The following HSPA4 variants were observed in gnomAD, a reference collection of about 807,000 sequenced individuals.
HSPA4 encodes the protein heat shock protein family A (Hsp70) member 4.
HSPA4 carries 25 observed loss-of-function variants against 106.2 expected under a neutral mutation model. That is an observed-to-expected ratio of 0.24 (90% CI 0.17 to 0.33). The LOEUF (loss-of-function observed/expected upper bound fraction) is 0.33. Among genes scored for constraint, HSPA4 ranks in the 10% least tolerant of loss-of-function variants. The pLI is 1.00. For synonymous variants in HSPA4, 332 were observed against 333.6 expected (o/e 1.00, Z 0.05); for missense variants, 841 against 996.0 (o/e 0.84, Z 2.10).
At chr5:133,067,763 G>T (rs1246433142) in intron 3 of HSPA4, among the ~76,000 whole-genome samples, 2 of 152,110 alleles carry the variant, frequency 1.3e-5, no homozygotes, top group Non-Finnish European at 1.5e-5. Flanking sequence ...CTTAATATGG[G>T]TTGGAGACCT....
chr5:133,097,217 A>G lies in HSPA4; in HGVS notation c.1860A>G (p.Ala620=). The part of the protein sequence containing the change: ...LEKERNDAKN[A]VEEYVYEMRD... The stretch of plus-strand genomic sequence containing the variant: ...AGGAGCGGAATGATGCTAAGAACGC[A>G]GTGGAGGAATATGTGTATGAAATGA... The change falls in exon 15 of 19, where the codon GCA becomes GCG. Residue 620 remains alanine, a synonymous_variant. Coordinates refer to ENST00000304858, the MANE Select transcript of HSPA4 (RefSeq NM_002154.4). The G allele has an allele frequency of 1.2e-6, 2 of 1,612,076 alleles. No homozygotes were observed. Among genetic ancestry groups the G allele is most frequent in the Non-Finnish European group, 1.7e-6 (2 of 1,178,254 alleles).
chr5:133,104,115 A>G lies in HSPA4; in HGVS notation c.2319+89A>G, dbSNP rs79781133. 0.02 allele frequency: 27,580 copies of G among 1,410,158 alleles called. 328 individuals are homozygous for G. Among genetic ancestry groups the G allele is most frequent in the Non-Finnish European group, 0.023 (23,751 of 1,015,458 alleles). 87.4% of individuals were successfully genotyped at this position (1,410,158 alleles called of 1,614,324 possible). A position where few individuals can be genotyped will look rare whatever the true frequency, so the allele number is the denominator to read the frequency against. On this transcript the variant is annotated intron_variant, in intron 18 of 18. Coordinates refer to ENST00000304858, the MANE Select transcript of HSPA4 (RefSeq NM_002154.4). The stretch of plus-strand genomic sequence containing the variant: ...GACACTTAGGAGGGAACTTTATTAT[A>G]GTGTTTTAGCTTCTAGGTTGAGGAT...
chr5:133,088,464 C>T lies in HSPA4; in HGVS notation c.1046C>T (p.Ala349Val), dbSNP rs374874909. The T allele has an allele frequency of 1.6e-5, 26 of 1,611,766 alleles. No homozygotes were observed. Among genetic ancestry groups the T allele is most frequent in the Admixed American group, 1.0e-4 (6 of 59,992 alleles). Residue 349 changes from alanine to valine, a missense_variant, in exon 9 of 19, where the codon GCG (alanine) becomes GTG (valine). This residue lies in a region of HSPA4 where 1 missense variants were observed against 18.2 expected (regional missense o/e 0.06). Coordinates refer to ENST00000304858, the MANE Select transcript of HSPA4 (RefSeq NM_002154.4). ...EIVGGATRIP[A>V]VKEKISKFFG... is the part of the protein sequence containing the mutation. ...GTTGGTGGTGCTACACGAATCCCTG[C>T]GGTAAAAGAGAAGATCAGCAAATTT...
At chr5:133,072,178 G>A (rs749259646) in intron 4 of HSPA4, among the ~76,000 whole-genome samples, 9 of 152,146 alleles carry the variant, frequency 5.9e-5, no homozygotes, top group Non-Finnish European at 1.2e-4. Flanking sequence ...GGGTTCACGG[G>A]CCCTAGCGTA....
intron 1 of HSPA4, among the ~76,000 whole-genome samples, chr5:133,056,283 G>C (rs1765163984): frequency 6.6e-6 from 1 of 152,134 alleles, no homozygotes; most frequent in Non-Finnish European, 1.5e-5. Context: ...TTGAGAGAAT[G>C]CTGTGAGATG....
At chr5:133,065,172 C>A in intron 2 of HSPA4, 135 bp downstream of exon 2, 1 of 674,836 alleles carries the variant, frequency 1.5e-6, no homozygotes, top group South Asian at 1.9e-5. Context: ...GACCTCTTCT[C>A]TGTTCCCATG....
At chr5:133,072,134 A>G (rs1367228983) in intron 4 of HSPA4, among the ~76,000 whole-genome samples, 2 of 152,198 alleles carry the variant, frequency 1.3e-5, no homozygotes, top group African/African-American at 2.4e-5. Flanking sequence ...TGGGGCCTCA[A>G]GATCACACTG....
At chr5:133,054,289 G>A (rs1374895734) in intron 1 of HSPA4, among the ~76,000 whole-genome samples, 1 of 151,938 alleles carries the variant, frequency 6.6e-6, no homozygotes, top group Admixed American at 6.6e-5. Context: ...TGCAGCCTCC[G>A]CCTCCTGGGT....
intron 12 of HSPA4, 21 bp downstream of exon 12, chr5:133,091,395 C>G (rs752364778): frequency 6.3e-7 from 1 of 1,579,432 alleles, no homozygotes; most frequent in Non-Finnish European, 8.7e-7. Context: ...CATTGTATAC[C>G]ACTTGTGATG....
chr5:133,092,625 A>G (rs1050386541), intron 12 of HSPA4, 75 bp from the exon 13 acceptor site: 13 of 961,518 alleles, frequency 1.4e-5, no homozygotes, highest in East Asian at 5.0e-5. Flanking sequence ...TTACATAACT[A>G]TGTGACTTTG....
intron 7 of HSPA4, among the ~76,000 whole-genome samples, chr5:133,077,689 T>C (rs894604678): frequency 1.3e-5 from 2 of 152,190 alleles, no homozygotes; most frequent in African/African-American, 4.8e-5. Flanking sequence ...GCTTGGATGA[T>C]GGGAGTAAGA....
At chr5:133,091,430 T>C (rs1456969798) in intron 12 of HSPA4, 56 bp downstream of exon 12, 3 of 1,390,124 alleles carry the variant, frequency 2.2e-6, no homozygotes, top group African/African-American at 1.4e-5. Context: ...TGTCTAGAAA[T>C]TGTAGCAAGC....
Position 133,088,536 on chromosome 5 carries a change from C to G in HSPA4, c.1118C>G (p.Thr373Ser). ...STTLNADEAV[T>S]RGCALQCAIL... ...ACATTAAATGCTGATGAAGCTGTCA[C>G]TCGAGGCTGTGCATTGCAGGTGAAT... is the stretch of plus-strand genomic sequence containing the variant. The change falls in exon 9 of 19, where the codon ACT becomes AGT. Residue 373 changes from threonine to serine, a missense_variant. Thr to Ser is a moderately conservative substitution (Grantham distance 58, BLOSUM62 1). Around this residue, in one of 5 missense-constraint regions of HSPA4, gnomAD observed 162 missense variants for 177.7 expected, o/e 0.91. Transcript: ENST00000304858. 1 of 1,613,878 alleles carries G rather than the reference C, an allele frequency of 6.2e-7. No homozygotes were observed. The highest frequency in any genetic ancestry group is 8.5e-7 in the Non-Finnish European group (1 of 1,179,796).
chr5:133,057,186 A>G (rs1765175383), intron 1 of HSPA4, among the ~76,000 whole-genome samples: 1 of 152,212 alleles, frequency 6.6e-6, no homozygotes, highest in African/African-American at 2.4e-5. Context: ...TGGCTAATGC[A>G]GTAACCAGAG....
chr5:133,101,503 C>A, intron 16 of HSPA4: 1 of 351,370 alleles, frequency 2.8e-6, no homozygotes, highest in Non-Finnish European at 5.1e-6. Context: ...TTAGGAGGCA[C>A]CTAATTTTTG....
At chr5:133,058,101 A>G (rs1300780866) in intron 1 of HSPA4, among the ~76,000 whole-genome samples, 1 of 152,248 alleles carries the variant, frequency 6.6e-6, no homozygotes, top group African/African-American at 2.4e-5. Context: ...GGAAGTAGGA[A>G]TGAATTAAGG....
At chr5:133,060,440 A>G (rs62375207) in intron 1 of HSPA4, among the ~76,000 whole-genome samples, 55,949 of 151,502 alleles carry the variant, frequency 0.37, 12,538 homozygotes, top group African/African-American at 0.64. Context: ...TCGGCTCACT[A>G]CAATCTCTGC....
At chr5:133,102,851 C>T (rs1358715099) in intron 17 of HSPA4, among the ~76,000 whole-genome samples, 1 of 150,060 alleles carries the variant, frequency 6.7e-6, no homozygotes, top group African/African-American at 2.5e-5. Context: ...GTTCTCCTGC[C>T]TCAGCTACTT....
intron 1 of HSPA4, among the ~76,000 whole-genome samples, chr5:133,061,467 A>G (rs1765242119): frequency 6.6e-6 from 1 of 151,750 alleles, no homozygotes; most frequent in African/African-American, 2.4e-5. Flanking sequence ...CCCCTGATTG[A>G]TTTTAGACCC....
Sources: allele counts gnomAD v4.1 joint callset (sites outside exome capture counted in the v4.1 genomes callset), GRCh38; gene constraint gnomAD v4.1.1; regional missense constraint gnomAD v4.1.1; transcripts MANE v1.5; gene names NCBI Gene and HGNC (gene_info 2026-07-23, HGNC 2026-07-21).